MAD1L1: variants seen among roughly 807,000 people sequenced by gnomAD.
The protein encoded by MAD1L1 is mitotic spindle assembly checkpoint protein MAD1.
MAD1L1 carries 95 observed loss-of-function variants against 96.9 expected under a neutral mutation model. The observed-to-expected ratio is 0.98, with a 90% CI of 0.83 to 1.16. The LOEUF (loss-of-function observed/expected upper bound fraction) is 1.16. MAD1L1 is among the 50% of genes most tolerant of loss of function. The pLI is 0.00. For missense variants in MAD1L1, 1,007 were observed against 954.4 expected, an observed-to-expected ratio of 1.06 and a Z score of -0.73; for synonymous variants, 473 against 396.6, an observed-to-expected ratio of 1.19 and a Z score of -2.29.
chr7:2,102,284 C>T (rs112637791), intron 11 of MAD1L1, among the ~76,000 whole-genome samples: 44,280 of 149,580 alleles, frequency 0.3, 8,224 homozygotes, highest in East Asian at 0.51. Context: ...TCACCACCAC[C>T]ACCGCCACTG....
chr7:2,123,398 C>T (rs976577597), intron 11 of MAD1L1, among the ~76,000 whole-genome samples: 2 of 152,026 alleles, frequency 1.3e-5, no homozygotes, highest in African/African-American at 2.4e-5. Flanking sequence ...GGGAGGGCTC[C>T]CAGCAAGCGA....
At chr7:2,186,200 C>T (rs1791451646) in intron 10 of MAD1L1, among the ~76,000 whole-genome samples, 1 of 152,104 alleles carries the variant, frequency 6.6e-6, no homozygotes, top group Non-Finnish European at 1.5e-5. Flanking sequence ...TCTTAGCATT[C>T]CCATCAATAA....
chr7:1,976,275 T>C (rs1780633675), intron 15 of MAD1L1, among the ~76,000 whole-genome samples: 2 of 152,270 alleles, frequency 1.3e-5, no homozygotes, highest in Admixed American at 6.5e-5. Flanking sequence ...TCATGGTGAG[T>C]GTTACAGTTC....
chr7:1,977,652 G>A (rs1780708552), intron 15 of MAD1L1, among the ~76,000 whole-genome samples: 1 of 152,254 alleles, frequency 6.6e-6, no homozygotes, highest in African/African-American at 2.4e-5. Context: ...AATGATAAAG[G>A]CCTTTTCTTA....
intron 11 of MAD1L1, among the ~76,000 whole-genome samples, chr7:2,115,393 G>C (rs1434275735): frequency 3.0e-5 from 4 of 134,048 alleles, no homozygotes; most frequent in East Asian, 2.2e-4. Flanking sequence ...AGAGGAGGCG[G>C]TGGACAGGGT....
At chr7:1,952,858 G>A (rs560580587) in intron 16 of MAD1L1, among the ~76,000 whole-genome samples, 13 of 152,364 alleles carry the variant, frequency 8.5e-5, no homozygotes, top group Admixed American at 5.2e-4. Flanking sequence ...TCCCACTGAT[G>A]AGCCACATGC....
intron 11 of MAD1L1, among the ~76,000 whole-genome samples, chr7:2,082,411 GGA>G (rs1431430409): frequency 3.3e-5 from 5 of 152,182 alleles, no homozygotes; most frequent in Non-Finnish European, 2.9e-5. Flanking sequence ...AGAGACAGAA[GGA>G]GAGACCAGAG....
chr7:2,042,912 C>T lies in MAD1L1; in HGVS notation c.1218+26282G>A, dbSNP rs1392377949. On this transcript the variant is annotated intron_variant, in intron 12 of 18. Coordinates refer to ENST00000265854, the MANE Select transcript of MAD1L1 (RefSeq NM_001013836.2). ...ACGTCCACGTCCACGTCCACATCCA[C>T]GTCCACGTCCACATCAAGGCAGTGC... Among the ~76,000 whole-genome samples, 64 of 150,748 alleles carry T rather than the reference C, an allele frequency of 4.2e-4. 1 individual carries two copies. Among genetic ancestry groups the T allele is most frequent in the African/African-American group, 1.7e-4 (7 of 40,582 alleles).
intron 18 of MAD1L1, chr7:1,874,624 C>T (rs1438491967): frequency 1.6e-5 from 7 of 435,090 alleles, no homozygotes; most frequent in East Asian, 7.1e-5. Context: ...CTTCATCGAT[C>T]GCCTGGTGGG....
intron 11 of MAD1L1, among the ~76,000 whole-genome samples, chr7:2,134,689 G>T (rs1221633841): frequency 6.6e-6 from 1 of 152,340 alleles, no homozygotes; most frequent in Non-Finnish European, 1.5e-5. Context: ...GCCCAATTGT[G>T]TCCAGCAGCT....
intron 12 of MAD1L1, among the ~76,000 whole-genome samples, chr7:2,025,681 C>T (rs1048363499): frequency 3.9e-5 from 6 of 152,184 alleles, no homozygotes; most frequent in Admixed American, 1.3e-4. Flanking sequence ...TTTTCAAACA[C>T]GTAAGTGTAT....
rs979497601 is a variant in MAD1L1, at chr7:2,114,383, C to T, written c.1073+34769G>A. Reference sequence around the variant, plus strand: ...GAGCACAGCTCCCACCCTGCAGCACCGCCCAGCCGGGGCCAACACCAGAGG... The same window carrying T: ...GAGCACAGCTCCCACCCTGCAGCACTGCCCAGCCGGGGCCAACACCAGAGG... On this transcript the variant is annotated intron_variant, in intron 11 of 18. Coordinates refer to ENST00000265854, the MANE Select transcript of MAD1L1 (RefSeq NM_001013836.2). This position sits in a 1 kb window ranked among gnomAD's most constrained non-coding sequence, Gnocchi z 4.2. 6.6e-6 allele frequency among the ~76,000 whole-genome samples: 1 copy of T among 152,316 alleles called. No homozygotes were observed. Among genetic ancestry groups the T allele is most frequent in the South Asian group, 2.1e-4 (1 of 4,824 alleles).
chr7:2,067,905 G>T (rs374466199), intron 12 of MAD1L1, among the ~76,000 whole-genome samples: 1 of 152,276 alleles, frequency 6.6e-6, no homozygotes, highest in African/African-American at 2.4e-5. Context: ...CCCGCTAGAA[G>T]AGCGAATCCT....
intron 15 of MAD1L1, among the ~76,000 whole-genome samples, chr7:1,978,760 G>A (rs1780760099): frequency 6.6e-6 from 1 of 152,198 alleles, no homozygotes. Context: ...ATGGCCCCCA[G>A]GTCCCCGAGA....
At chr7:1,818,393 T>C (rs1781939545) in intron 18 of MAD1L1, among the ~76,000 whole-genome samples, 1 of 151,126 alleles carries the variant, frequency 6.6e-6, no homozygotes, top group East Asian at 1.9e-4. Flanking sequence ...TCTAAAAATA[T>C]TTTTTTTTAG....
At position 2,114,361 on chromosome 7, in the gene MAD1L1, C is replaced by A. The variant is rs1191144851; in HGVS notation, c.1073+34791G>T. On this transcript the variant is annotated intron_variant, in intron 11 of 18. Coordinates refer to ENST00000265854, the MANE Select transcript of MAD1L1 (RefSeq NM_001013836.2). This position sits in a 1 kb window ranked among gnomAD's most constrained non-coding sequence, Gnocchi z 4.2. Reference sequence around the variant, plus strand: ...ACCAGGGGGCCTTCCCTACACAGAGCACAGCTCCCACCCTGCAGCACCGCC... The same window carrying A: ...ACCAGGGGGCCTTCCCTACACAGAGAACAGCTCCCACCCTGCAGCACCGCC... Among the ~76,000 whole-genome samples, 3 of 152,240 alleles carry A rather than the reference C, an allele frequency of 2.0e-5. No homozygotes were observed. Among genetic ancestry groups the A allele is most frequent in the Admixed American group, 6.5e-5 (1 of 15,290 alleles).
chr7:1,837,128 T>A (rs1054825670), intron 18 of MAD1L1, among the ~76,000 whole-genome samples: 3 of 152,158 alleles, frequency 2.0e-5, no homozygotes, highest in Non-Finnish European at 2.9e-5. Context: ...TAAGGAAACA[T>A]AGAACCCCAT....
intron 10 of MAD1L1, among the ~76,000 whole-genome samples, chr7:2,150,732 C>T (rs1230400392): frequency 6.6e-6 from 1 of 152,248 alleles, no homozygotes; most frequent in East Asian, 1.9e-4. Flanking sequence ...GCCCTGAGCC[C>T]TCACACACAC....
At chr7:2,137,067 T>A (rs1031657554) in intron 11 of MAD1L1, among the ~76,000 whole-genome samples, 8 of 152,144 alleles carry the variant, frequency 5.3e-5, no homozygotes, top group Admixed American at 1.3e-4. Flanking sequence ...GCCCTGACCC[T>A]GCTCTAGGCT....
Sources: gnomAD v4.1 joint callset for allele counts (sites outside exome capture counted in the v4.1 genomes callset) on GRCh38, gnomAD v4.1.1 for gene constraint, Gnocchi (gnomAD v3.1) non-coding constraint, MANE v1.5 for transcripts, NCBI Gene and HGNC (gene_info 2026-07-23, HGNC 2026-07-21) for gene names.